The following EXOC4 variants were observed in gnomAD, a reference collection of about 807,000 sequenced individuals.
EXOC4 encodes the protein SEC8-like 1.
In EXOC4, 71 loss-of-function variants were observed where a neutral mutation model predicts 107.2. That is an observed-to-expected ratio of 0.66 (90% CI 0.55 to 0.81). EXOC4 has a LOEUF of 0.81. Ranked by LOEUF, EXOC4 falls within the 30% of genes least tolerant of loss-of-function variation. EXOC4 has a pLI of 0.00. For synonymous variants in EXOC4, 456 were observed against 441.2 expected (o/e 1.03, Z -0.42); for missense variants, 1,108 against 1,189.6 (o/e 0.93, Z 1.01).
chr7:133,851,440 T>C (rs1301042046), intron 11 of EXOC4, among the ~76,000 whole-genome samples: 1 of 152,220 alleles, frequency 6.6e-6, no homozygotes, highest in Non-Finnish European at 1.5e-5. Flanking sequence ...TGTCTTGGCC[T>C]CCCAAAGTGC....
chr7:133,496,947 C>G (rs1799488756), intron 9 of EXOC4, among the ~76,000 whole-genome samples: 1 of 151,998 alleles, frequency 6.6e-6, no homozygotes, highest in Non-Finnish European at 1.5e-5. Flanking sequence ...ACATTTGAAC[C>G]CTTAAAAGAG....
intron 10 of EXOC4, among the ~76,000 whole-genome samples, chr7:133,792,596 G>A (rs1332631802): frequency 4.3e-5 from 6 of 139,060 alleles, no homozygotes; most frequent in South Asian, 2.4e-4. Flanking sequence ...TTTTTACATT[G>A]TCCGTAGAAG....
chr7:133,713,964 G>C (rs1370301088), intron 10 of EXOC4, among the ~76,000 whole-genome samples: 1 of 152,066 alleles, frequency 6.6e-6, no homozygotes, highest in Non-Finnish European at 1.5e-5. Flanking sequence ...GAACATAAGA[G>C]CTATAATGGA....
intron 14 of EXOC4, among the ~76,000 whole-genome samples, chr7:133,983,641 A>G (rs1427826997): frequency 6.6e-6 from 1 of 152,208 alleles, no homozygotes; most frequent in Non-Finnish European, 1.5e-5. Context: ...GTTTGAACAC[A>G]TAGACAAATG....
intron 10 of EXOC4, among the ~76,000 whole-genome samples, chr7:133,816,908 C>G (rs979617832): frequency 6.6e-6 from 1 of 152,078 alleles, no homozygotes; most frequent in African/African-American, 2.4e-5. Context: ...GCCACAGACC[C>G]GTACTGGTTC....
intron 1 of EXOC4, chr7:133,253,575 C>T (rs1290469859): frequency 1.0e-6 from 1 of 963,424 alleles, no homozygotes; most frequent in African/African-American, 1.8e-5. Context: ...GTTTCCTGGA[C>T]TTTGGGGTGT....
chr7:133,825,226 G>T (rs1797673246), intron 11 of EXOC4, among the ~76,000 whole-genome samples: 1 of 151,948 alleles, frequency 6.6e-6, no homozygotes, highest in South Asian at 2.1e-4. Context: ...CAGGTTTCAT[G>T]ATGTATGCCT....
chr7:133,632,665 G>A (rs1359267016), intron 10 of EXOC4, among the ~76,000 whole-genome samples: 3 of 151,956 alleles, frequency 2.0e-5, no homozygotes, highest in African/African-American at 7.3e-5. Context: ...TATTTTATTA[G>A]TACTATTATA....
intron 9 of EXOC4, among the ~76,000 whole-genome samples, chr7:133,512,482 G>A (rs1416029775): frequency 1.3e-5 from 2 of 152,032 alleles, no homozygotes; most frequent in African/African-American, 4.8e-5. Flanking sequence ...TACAGAGTCA[G>A]AAATCTTCTC....
chr7:133,262,364 G>GTTT (rs1025909791), intron 1 of EXOC4, among the ~76,000 whole-genome samples: 1 of 143,736 alleles, frequency 7.0e-6, no homozygotes, highest in Admixed American at 7.0e-5. Context: ...ATAGTGGCCA[G>GTTT]TTTTTTTTTT....
chr7:133,959,305 TAAGAG>T (rs1442579000), intron 14 of EXOC4, among the ~76,000 whole-genome samples: 5 of 151,802 alleles, frequency 3.3e-5, no homozygotes, highest in South Asian at 2.1e-4. Flanking sequence ...CTAGAAGAAA[TAAGAG>T]AAGATATTGT....
intron 10 of EXOC4, among the ~76,000 whole-genome samples, chr7:133,671,203 A>G (rs949353709): frequency 2.0e-5 from 3 of 152,186 alleles, no homozygotes; most frequent in African/African-American, 7.2e-5. Flanking sequence ...TTTTATCCAC[A>G]GTGAGATGGG....
intron 11 of EXOC4, among the ~76,000 whole-genome samples, chr7:133,836,315 C>G (rs1459564191): frequency 6.6e-6 from 1 of 151,988 alleles, no homozygotes; most frequent in Non-Finnish European, 1.5e-5. Context: ...AATTTCTTCG[C>G]TGGAGTCAAG....
At chr7:133,620,452 T>C (rs1180717304) in intron 9 of EXOC4, among the ~76,000 whole-genome samples, 1 of 152,210 alleles carries the variant, frequency 6.6e-6, no homozygotes, top group African/African-American at 2.4e-5. Context: ...CTTAGCAATT[T>C]CAGTTCTAGA....
At chr7:133,763,047 C>T (rs964477174) in intron 10 of EXOC4, among the ~76,000 whole-genome samples, 2 of 152,142 alleles carry the variant, frequency 1.3e-5, no homozygotes, top group Non-Finnish European at 2.9e-5. Context: ...AAAACATGCA[C>T]ATAATGCGTT....
chr7:133,777,516 C>T (rs2151169116), intron 10 of EXOC4, among the ~76,000 whole-genome samples: 2 of 152,236 alleles, frequency 1.3e-5, no homozygotes, highest in Middle Eastern at 3.4e-3. Context: ...CTGAAAAGGG[C>T]TTTCACATTC....
At chr7:133,780,629 C>T (rs75993615) in intron 10 of EXOC4, among the ~76,000 whole-genome samples, 1 of 152,210 alleles carries the variant, frequency 6.6e-6, no homozygotes, top group African/African-American at 2.4e-5. Context: ...CATTCTAGAG[C>T]ATTACAGTGT....
chr7:133,603,360 C>A (rs1563123349), intron 9 of EXOC4, among the ~76,000 whole-genome samples: 2 of 152,162 alleles, frequency 1.3e-5, no homozygotes, highest in Non-Finnish European at 2.9e-5. Flanking sequence ...ATGCAGATAC[C>A]TAAATACAAT....
intron 11 of EXOC4, among the ~76,000 whole-genome samples, chr7:133,821,219 C>T (rs759462744): frequency 3.1e-4 from 47 of 152,162 alleles, no homozygotes; most frequent in Admixed American, 2.6e-3. Context: ...GTATTGATTG[C>T]AAGTGTTTAA....
Sources: allele counts gnomAD v4.1 joint callset (sites outside exome capture counted in the v4.1 genomes callset), GRCh38; gene constraint gnomAD v4.1.1; transcripts MANE v1.5; gene names NCBI Gene and HGNC (gene_info 2026-07-23, HGNC 2026-07-21).